The following RIMS1 variants were observed in gnomAD, a reference collection of about 807,000 sequenced individuals.
RIMS1 encodes regulating synaptic membrane exocytosis 1.
Under a neutral mutation model 214.1 loss-of-function variants are expected in RIMS1, and 83 were observed. That is an observed-to-expected ratio of 0.39 (90% CI 0.32 to 0.47). The LOEUF is 0.47. Ranked by LOEUF, RIMS1 falls within the 20% of genes least tolerant of loss-of-function variation. RIMS1 has a pLI of 0.99. For synonymous variants in RIMS1, 793 were observed against 786.8 expected, an observed-to-expected ratio of 1.01 and a Z score of -0.13; for missense variants, 2,050 against 2,161.8, an observed-to-expected ratio of 0.95 and a Z score of 1.03.
At chr6:71,940,927 A>C (rs1223662166) in intron 1 of RIMS1, among the ~76,000 whole-genome samples, 2 of 152,166 alleles carry the variant, frequency 1.3e-5, no homozygotes, top group African/African-American at 4.8e-5. Flanking sequence ...GCTGAGAAAA[A>C]GTTTATAATT....
At chr6:71,964,153 G>T (rs1042399428) in intron 1 of RIMS1, among the ~76,000 whole-genome samples, 3 of 152,152 alleles carry the variant, frequency 2.0e-5, no homozygotes, top group Admixed American at 6.5e-5. Context: ...CGACAATTGA[G>T]CAAAGACTTT....
chr6:72,052,023 C>G (rs188550144), intron 2 of RIMS1, among the ~76,000 whole-genome samples: 4 of 152,042 alleles, frequency 2.6e-5, no homozygotes, highest in Admixed American at 6.6e-5. Context: ...TTATGCTTTG[C>G]GAAAATTTCA....
At chr6:72,318,944 G>T (rs2095990034) in intron 28 of RIMS1, among the ~76,000 whole-genome samples, 1 of 152,154 alleles carries the variant, frequency 6.6e-6, no homozygotes, top group African/African-American at 2.4e-5. Context: ...ATTTGGAAGT[G>T]AAAGGATTTT....
intron 4 of RIMS1, among the ~76,000 whole-genome samples, chr6:72,126,509 C>T (rs1027022161): frequency 6.6e-6 from 1 of 151,784 alleles, no homozygotes; most frequent in Non-Finnish European, 1.5e-5. Flanking sequence ...GGAAGAGCTT[C>T]ACAAACTATG....
intron 2 of RIMS1, among the ~76,000 whole-genome samples, chr6:71,989,852 G>C (rs1238214358): frequency 6.6e-6 from 1 of 152,090 alleles, no homozygotes; most frequent in Non-Finnish European, 1.5e-5. Context: ...GCATGACCTG[G>C]CCTAAGCCTG....
chr6:72,393,715 A>G (rs1596263291), intron 31 of RIMS1, among the ~76,000 whole-genome samples: 1 of 151,966 alleles, frequency 6.6e-6, no homozygotes, highest in East Asian at 1.9e-4. Flanking sequence ...CGACAGAGCG[A>G]GACTCCGTCT....
At chr6:72,059,291 A>G (rs1827205799) in intron 2 of RIMS1, among the ~76,000 whole-genome samples, 1 of 152,190 alleles carries the variant, frequency 6.6e-6, no homozygotes, top group South Asian at 2.1e-4. Flanking sequence ...TAGTGCTACA[A>G]TCACAGCTCA....
At chr6:72,025,124 G>A (rs751586217) in intron 2 of RIMS1, among the ~76,000 whole-genome samples, 2 of 151,922 alleles carry the variant, frequency 1.3e-5, no homozygotes, top group Admixed American at 6.6e-5. Context: ...GGCTGGTCTC[G>A]AACTCCTGAC....
At chr6:72,212,907 G>C in intron 6 of RIMS1, 1 of 1,333,250 alleles carries the variant, frequency 7.5e-7, no homozygotes, top group Non-Finnish European at 9.6e-7. Context: ...AGTGCCTGCA[G>C]TGACCTGAGT....
At chr6:72,167,900 TTTA>T (rs1172954316) in intron 4 of RIMS1, among the ~76,000 whole-genome samples, 4 of 6,464 alleles carry the variant, frequency 6.2e-4, no homozygotes, top group Non-Finnish European at 9.8e-3. Context: ...TTTTCTAGGT[TTTA>T]TTTTTTTTTT....
At chr6:72,194,239 TA>T (rs1207684449) in intron 6 of RIMS1, among the ~76,000 whole-genome samples, 1 of 152,116 alleles carries the variant, frequency 6.6e-6, no homozygotes, top group Non-Finnish European at 1.5e-5. Flanking sequence ...TTAGATTTGT[TA>T]AAAAGAATAG....
At chr6:72,022,752 C>A (rs1250207813) in intron 2 of RIMS1, among the ~76,000 whole-genome samples, 1 of 152,106 alleles carries the variant, frequency 6.6e-6, no homozygotes, top group African/African-American at 2.4e-5. Flanking sequence ...AAGACTCTCT[C>A]TATCTGAAAA....
intron 29 of RIMS1, among the ~76,000 whole-genome samples, chr6:72,343,412 T>TTC (rs1274435834): frequency 6.6e-6 from 1 of 151,232 alleles, no homozygotes; most frequent in Non-Finnish European, 1.5e-5. Flanking sequence ...GCTCTGCTCT[T>TTC]TCATTCTTAT....
At chr6:72,262,379 A>G in intron 19 of RIMS1, 7 of 978,754 alleles carry the variant, frequency 7.2e-6, no homozygotes, top group Non-Finnish European at 8.5e-6. Context: ...TTGTATGTAT[A>G]CAATTTAAAA....
At chr6:72,272,859 C>A (rs1563367807) in intron 22 of RIMS1, among the ~76,000 whole-genome samples, 1 of 152,100 alleles carries the variant, frequency 6.6e-6, no homozygotes, top group Non-Finnish European at 1.5e-5. Context: ...ACAACTATTT[C>A]TTCATTTTAT....
chr6:72,323,182 T>C (rs868427804), intron 28 of RIMS1, among the ~76,000 whole-genome samples: 70 of 152,206 alleles, frequency 4.6e-4, no homozygotes, highest in African/African-American at 1.6e-3. Flanking sequence ...TTTCTGTCAA[T>C]CAAATGAGAA....
chr6:72,131,021 A>G lies in RIMS1; in HGVS notation c.471+31035A>G, dbSNP rs182090210. On this transcript the variant is annotated intron_variant, in intron 4 of 33. Coordinates refer to ENST00000521978, the MANE Select transcript of RIMS1 (RefSeq NM_014989.7). Reference sequence around the variant, plus strand: ...GAAAGAAGGAAATAGAAATTGATCAATTTGGTTTCCCAGGCATTGATTAAT... The same window carrying G: ...GAAAGAAGGAAATAGAAATTGATCAGTTTGGTTTCCCAGGCATTGATTAAT... 2.0e-3 allele frequency among the ~76,000 whole-genome samples: 308 copies of G among 152,284 alleles called. 3 individuals are homozygous for G. Among genetic ancestry groups the G allele is most frequent in the African/African-American group, 6.9e-3 (286 of 41,568 alleles).
intron 29 of RIMS1, among the ~76,000 whole-genome samples, chr6:72,373,197 A>G (rs954463309): frequency 6.6e-6 from 1 of 152,220 alleles, no homozygotes; most frequent in Non-Finnish European, 1.5e-5. Flanking sequence ...AAATGGATCA[A>G]TTTAACCCAC....
At chr6:72,121,285 C>T (rs144130382) in intron 4 of RIMS1, among the ~76,000 whole-genome samples, 3,333 of 151,920 alleles carry the variant, frequency 0.022, 109 homozygotes, top group Middle Eastern at 0.048. Context: ...TACCCATGAG[C>T]ATGGAATGTT....
Sources: gnomAD v4.1 joint callset for allele counts (sites outside exome capture counted in the v4.1 genomes callset) on GRCh38, gnomAD v4.1.1 for gene constraint, MANE v1.5 for transcripts, NCBI Gene and HGNC (gene_info 2026-07-23, HGNC 2026-07-21) for gene names.